The following MDN1 variants were observed in gnomAD, a reference collection of about 807,000 sequenced individuals.
MDN1 encodes midasin AAA ATPase 1.
In MDN1, 266 loss-of-function variants were observed where a neutral mutation model predicts 669.2. The ratio of observed to expected loss-of-function variants is 0.40; its 90% CI spans 0.36 to 0.44. The LOEUF (loss-of-function observed/expected upper bound fraction) is 0.44, where lower values mean the gene tolerates loss of function less well. Ranked by LOEUF, MDN1 falls within the 20% of genes least tolerant of loss-of-function variation. MDN1 has a pLI of 1.00. For synonymous variants in MDN1, 2,385 were observed against 2,457.1 expected, an observed-to-expected ratio of 0.97 and a Z score of 0.87; for missense variants, 5,940 against 6,754.0, an observed-to-expected ratio of 0.88 and a Z score of 4.22.
intron 92 of MDN1, among the ~76,000 whole-genome samples, chr6:89,654,832 A>C (rs1468924958): frequency 6.6e-6 from 1 of 152,182 alleles, no homozygotes; most frequent in Non-Finnish European, 1.5e-5. Flanking sequence ...TCAAAACCTC[A>C]CACTGTACCC....
intron 82 of MDN1, 106 bp downstream of exon 82, chr6:89,672,094 C>T: frequency 8.3e-7 from 1 of 1,208,454 alleles, no homozygotes; most frequent in Non-Finnish European, 1.1e-6. Flanking sequence ...GATTTTGGCA[C>T]TGAGGCCTGC....
At position 89,763,268 on chromosome 6, in the gene MDN1, C is replaced by T. The variant is rs899744931; in HGVS notation, c.2145-738G>A. 3.6e-4 allele frequency among the ~76,000 whole-genome samples: 51 copies of T among 141,356 alleles called. No homozygotes were observed. In the Admixed American group the frequency reaches 3.8e-3, roughly 11 times the overall value. 92.7% of individuals were successfully genotyped at this position (141,356 alleles called of 152,430 possible). On this transcript the variant is annotated intron_variant, in intron 15 of 101. Transcript: ENST00000369393. ...GCCCACACATTATCAGTTAGGAAAACGAAGAGTAGGAGAGAGCAACAATGA... is the reference window on the plus strand; with the variant it reads ...GCCCACACATTATCAGTTAGGAAAATGAAGAGTAGGAGAGAGCAACAATGA...
intron 70 of MDN1, among the ~76,000 whole-genome samples, chr6:89,685,590 G>A (rs566121069): frequency 1.3e-5 from 2 of 152,298 alleles, no homozygotes; most frequent in East Asian, 1.9e-4. Context: ...TAGGTCCTGA[G>A]ATCTTCATCT....
rs1346149945 is a variant in MDN1, at chr6:89,700,671, T to C, written c.8613A>G (p.Ala2871=). 6.2e-7 allele frequency: 1 copy of C among 1,614,230 alleles called. No homozygotes were observed. The highest frequency in any genetic ancestry group is 8.5e-7 in the Non-Finnish European group (1 of 1,180,038). The part of the protein sequence containing the change: ...LLQAWGLILR[A]NILEDVSLDE... The stretch of plus-strand genomic sequence containing the variant: ...CTAGGCTGACATCTTCCAAAATATT[T>C]GCTCTGAGGATCAGTCCCCAGGCTT... Residue 2871 remains alanine (A), a synonymous_variant, in exon 56 of 102, where the codon GCA becomes GCG. Transcript: ENST00000369393.
At chr6:89,756,538 T>C (rs920779657) in intron 19 of MDN1, 148 bp from the exon 20 acceptor site, 2 of 515,956 alleles carry the variant, frequency 3.9e-6, no homozygotes, top group South Asian at 6.0e-5. Context: ...AAACTTAGCA[T>C]AATTAAAGGA....
intron 19 of MDN1, among the ~76,000 whole-genome samples, chr6:89,757,253 G>A (rs981855018): frequency 1.3e-5 from 2 of 152,088 alleles, no homozygotes; most frequent in African/African-American, 4.8e-5. Context: ...TAAGTACCTT[G>A]TTCATGTCAG....
intron 2 of MDN1, among the ~76,000 whole-genome samples, chr6:89,801,554 G>A (rs1424503389): frequency 2.0e-5 from 3 of 152,172 alleles, no homozygotes; most frequent in Admixed American, 6.5e-5. Context: ...GGGGGGCTGA[G>A]GTGGGAGAAT....
chr6:89,707,235 TA>T, intron 52 of MDN1, 125 bp downstream of exon 52: 4 of 674,244 alleles, frequency 5.9e-6, no homozygotes, highest in Non-Finnish European at 1.0e-5. Context: ...GGGACATGTT[TA>T]AAATCAGGCC....
rs764404717 is a variant in MDN1 at position 89,677,626 on chromosome 6, T to C, written c.12483A>G (p.Pro4161=). 9 of 1,614,012 alleles carry C rather than the reference T, an allele frequency of 5.6e-6. No homozygotes were observed. The Admixed American group carries it at 8.3e-5, about 15-fold the overall frequency. ...KNPQEMLHLH[P]LDLQSALSIV... is the part of the protein sequence containing the mutation. ...TGGACAATGCGCTCTGGAGATCTAATGGGTGAAGATGAAGCATCTCTTGAG... is the reference window on the plus strand; with the variant it reads ...TGGACAATGCGCTCTGGAGATCTAACGGGTGAAGATGAAGCATCTCTTGAG... Residue 4161 remains proline (P), a synonymous_variant, in exon 76 of 102, where the codon CCA becomes CCG. Coordinates refer to ENST00000369393, the MANE Select transcript of MDN1 (RefSeq NM_014611.3).
Position 89,674,273 on chromosome 6 carries a change from A to G in MDN1, c.13078T>C (p.Ser4360Pro), listed in dbSNP as rs1426235624. 6.2e-7 allele frequency: 1 copy of G among 1,614,144 alleles called. No homozygotes were observed. Among genetic ancestry groups the G allele is most frequent in the East Asian group, 2.2e-5 (1 of 44,882 alleles). Residue 4360 changes from serine to proline, a missense_variant, in exon 79 of 102, where the codon TCT becomes CCT. Physicochemically the swap from Ser to Pro is moderately conservative, Grantham distance 74. Coordinates refer to ENST00000369393, the MANE Select transcript of MDN1 (RefSeq NM_014611.3). ...DLIPSNLSYP[S>P]PIPGSQLPSG... ...GGCAGCTGACTTCCAGGTATTGGAG[A>G]TGGGTAGCTCAGATTGGAAGGAATT...
chr6:89,686,368 G>A (rs1466678540), intron 69 of MDN1, among the ~76,000 whole-genome samples: 2 of 152,030 alleles, frequency 1.3e-5, no homozygotes, highest in Non-Finnish European at 2.9e-5. Flanking sequence ...GAGATTGCAG[G>A]GAGCTGAGAT....
chr6:89,750,436 A>C lies in MDN1; in HGVS notation c.3324T>G (p.Ile1108Met). ...GAATATCCGTGTGTTCGTGATTATTAATACGCACACAGTGGTTGCCAGTAG... is the reference window on the plus strand; with the variant it reads ...GAATATCCGTGTGTTCGTGATTATTCATACGCACACAGTGGTTGCCAGTAG... ...AAATGNHCVR[I>M]NNHEHTDIQE... The change falls in exon 24 of 102, where the codon ATT becomes ATG. Residue 1108 changes from isoleucine to methionine, a missense_variant. By Grantham distance (10) the Ile-to-Met change is conservative (BLOSUM62 1). Around this residue, in one of 5 missense-constraint regions of MDN1, gnomAD observed 2,292 missense variants for 2,638.3 expected, o/e 0.87. Transcript: ENST00000369393. The C allele has an allele frequency of 6.2e-7, 1 of 1,614,110 alleles. No individual in the cohort carries two copies. The highest frequency in any genetic ancestry group is 8.5e-7 in the Non-Finnish European group (1 of 1,179,942).
rs1816846497 is a variant in MDN1 at position 89,749,597 on chromosome 6, A to G, written c.3561T>C (p.Pro1187=). Residue 1187 remains proline (P), a synonymous_variant, in exon 25 of 102, where the codon CCT becomes CCC. Transcript: ENST00000369393. ...TETQEVVKAH[P]RFMLFATQNP... ...TTTGGGTGGCAAAAAGCATAAACCG[A>G]GGGTGTGCTTTAACAACTTCCTGTG... The G allele has an allele frequency of 6.2e-7, 1 of 1,614,152 alleles. No homozygotes were observed. The highest frequency in any genetic ancestry group is 8.5e-7 in the Non-Finnish European group (1 of 1,180,014).
intron 85 of MDN1, 111 bp downstream of exon 85, chr6:89,664,376 A>T (rs1810032727): frequency 7.2e-7 from 1 of 1,383,318 alleles, no homozygotes; most frequent in Admixed American, 2.0e-5. Flanking sequence ...AAGCACAGTA[A>T]CCAACTTGTT....
rs1009678789 is a variant in MDN1 at position 89,672,285 on chromosome 6, T to C, written c.13709A>G (p.His4570Arg). 12 of 1,612,796 alleles carry C rather than the reference T, an allele frequency of 7.4e-6. No homozygotes were observed. The highest frequency in any genetic ancestry group is 1.0e-5 in the Non-Finnish European group (12 of 1,179,770). ...DDFWADVSTLHVQKIISAISE... is the reference protein window; with the variant it reads ...DDFWADVSTLRVQKIISAISE... Reference sequence around the variant, plus strand: ...GATGGCAGAAATTATTTTCTGCACGTGCAAAGTGCTCACATCGGCCCAGAA... The same window carrying C: ...GATGGCAGAAATTATTTTCTGCACGCGCAAAGTGCTCACATCGGCCCAGAA... The change falls in exon 82 of 102, where the codon CAC (histidine) becomes CGC (arginine). Residue 4570 changes from histidine to arginine, a missense_variant. By Grantham distance (29) the His-to-Arg change is conservative. This residue lies in a region of MDN1 where 2,280 missense variants were observed against 2,576.3 expected (regional missense o/e 0.88). Coordinates refer to ENST00000369393, the MANE Select transcript of MDN1 (RefSeq NM_014611.3).
intron 11 of MDN1, 97 bp downstream of exon 11, chr6:89,780,115 G>A: frequency 4.8e-6 from 3 of 631,210 alleles, no homozygotes; most frequent in East Asian, 3.1e-5. Flanking sequence ...TTGGAAAAAA[G>A]AAAAAAGTCT....
intron 46 of MDN1, 35 bp from the exon 47 acceptor site, chr6:89,713,331 A>T (rs1294266979): frequency 6.5e-7 from 1 of 1,542,300 alleles, no homozygotes; most frequent in Non-Finnish European, 8.8e-7. Flanking sequence ...TAAACAATAG[A>T]GTCTTTAAAA....
intron 22 of MDN1, among the ~76,000 whole-genome samples, chr6:89,752,728 C>T (rs1392558190): frequency 6.6e-6 from 1 of 152,150 alleles, no homozygotes; most frequent in Non-Finnish European, 1.5e-5. Context: ...TGTACCCATC[C>T]AGTGAAATGC....
chr6:89,751,132 T>C (rs886283002), intron 23 of MDN1, among the ~76,000 whole-genome samples: 23 of 152,192 alleles, frequency 1.5e-4, no homozygotes, highest in African/African-American at 5.5e-4. Context: ...TGTAAGAAAC[T>C]GTAAGTAGAA....
Sources: allele counts gnomAD v4.1 joint callset (sites outside exome capture counted in the v4.1 genomes callset), GRCh38; gene constraint gnomAD v4.1.1; regional missense constraint gnomAD v4.1.1; transcripts MANE v1.5; gene names NCBI Gene and HGNC (gene_info 2026-07-23, HGNC 2026-07-21).